ERCC6L2: variants seen among roughly 807,000 people sequenced by gnomAD.
ERCC6L2 encodes the protein DNA excision repair protein ERCC-6-like 2.
Under a neutral mutation model 132.0 loss-of-function variants are expected in ERCC6L2, and 77 were observed. The ratio of observed to expected loss-of-function variants is 0.58; its 90% CI spans 0.49 to 0.71. The LOEUF (loss-of-function observed/expected upper bound fraction) is 0.71, where lower values mean the gene tolerates loss of function less well. ERCC6L2 is among the 30% of genes least tolerant of loss of function. The probability of loss-of-function intolerance (pLI) is 0.00; values close to 1 mark genes in which losing one functional copy is unlikely to be tolerated. For synonymous variants in ERCC6L2, 583 were observed against 632.4 expected (o/e 0.92, Z 1.17); for missense variants, 1,542 against 1,837.6 (o/e 0.84, Z 2.94).
chr9:95,890,115 T>C (rs943943174), intron 2 of ERCC6L2, among the ~76,000 whole-genome samples: 2 of 152,200 alleles, frequency 1.3e-5, no homozygotes, highest in Admixed American at 6.5e-5. Flanking sequence ...CTTGATTTCA[T>C]ACTACTGAAT....
In ERCC6L2 at chr9:95,941,539, G is replaced by A; in HGVS notation, c.1837G>A (p.Ala613Thr). The A allele has an allele frequency of 6.2e-7, 1 of 1,610,294 alleles. No individual in the cohort carries two copies. Among genetic ancestry groups the A allele is most frequent in the Non-Finnish European group, 8.5e-7 (1 of 1,176,966 alleles). ...PTWNPANDLQAIDRAYRIGQC... is the reference protein window; with the variant it reads ...PTWNPANDLQTIDRAYRIGQC... Reference sequence around the variant, plus strand: ...TTGGAATCCAGCCAATGATCTTCAAGCCATTGACAGGTATAATACTGACAA... The same window carrying A: ...TTGGAATCCAGCCAATGATCTTCAAACCATTGACAGGTATAATACTGACAA... Residue 613 changes from alanine to threonine, a missense_variant, in exon 12 of 19, where the codon GCC (alanine) becomes ACC (threonine). By Grantham distance (58) the Ala-to-Thr change is moderately conservative. Transcript: ENST00000653738.
intron 1 of ERCC6L2, among the ~76,000 whole-genome samples, chr9:95,878,817 C>T (rs1827435233): frequency 6.6e-6 from 1 of 151,594 alleles, no homozygotes; most frequent in African/African-American, 2.4e-5. Context: ...TCATCCATGT[C>T]CCTACAAAGG....
intron 17 of ERCC6L2, among the ~76,000 whole-genome samples, chr9:95,991,721 A>G (rs1013151142): frequency 6.6e-6 from 1 of 152,212 alleles, no homozygotes; most frequent in Non-Finnish European, 1.5e-5. Flanking sequence ...GACAAAAGTG[A>G]TATTTGTAAC....
intron 18 of ERCC6L2, among the ~76,000 whole-genome samples, chr9:96,010,249 T>G (rs998245299): frequency 6.6e-6 from 1 of 152,148 alleles, no homozygotes; most frequent in Non-Finnish European, 1.5e-5. Context: ...TTTCGGGAAG[T>G]TAACAAGACA....
intron 1 of ERCC6L2, among the ~76,000 whole-genome samples, chr9:95,879,507 T>G (rs933559756): frequency 6.6e-6 from 1 of 152,222 alleles, no homozygotes; most frequent in African/African-American, 2.4e-5. Context: ...AGTACTGTTA[T>G]GAAAATTGGG....
chr9:95,998,333 A>G (rs1833541282), intron 17 of ERCC6L2, among the ~76,000 whole-genome samples: 1 of 152,184 alleles, frequency 6.6e-6, no homozygotes, highest in Non-Finnish European at 1.5e-5. Flanking sequence ...ATGTCTGTTA[A>G]CTCATTTCTG....
intron 17 of ERCC6L2, among the ~76,000 whole-genome samples, chr9:96,003,347 T>C (rs1367836069): frequency 6.6e-6 from 1 of 152,232 alleles, no homozygotes; most frequent in African/African-American, 2.4e-5. Flanking sequence ...TCACTAGTTC[T>C]GGACAAATTA....
At chr9:95,899,569 CCTTT>C (rs890230599) in intron 3 of ERCC6L2, among the ~76,000 whole-genome samples, 17 of 149,210 alleles carry the variant, frequency 1.1e-4, no homozygotes, top group South Asian at 2.1e-4. Context: ...TTCCTTCTTT[CCTTT>C]CTTTCTTTTT....
chr9:95,925,328 G>GA (rs1298258035), intron 9 of ERCC6L2, among the ~76,000 whole-genome samples: 3 of 152,004 alleles, frequency 2.0e-5, no homozygotes, highest in Admixed American at 2.0e-4. Context: ...GTGGAGGGTG[G>GA]AAAAAAAGAC....
chr9:95,973,938 T>C (rs1407468119), intron 16 of ERCC6L2, among the ~76,000 whole-genome samples: 2 of 152,138 alleles, frequency 1.3e-5, no homozygotes, highest in Non-Finnish European at 2.9e-5. Context: ...AATTGTACCC[T>C]CTCCATGCAG....
intron 17 of ERCC6L2, among the ~76,000 whole-genome samples, chr9:95,982,484 AG>A (rs1832931799): frequency 6.6e-6 from 1 of 152,122 alleles, no homozygotes; most frequent in Non-Finnish European, 1.5e-5. Flanking sequence ...CCTGTTTTTC[AG>A]GATAATGAAT....
chr9:95,886,024 T>G (rs112925610), intron 2 of ERCC6L2, among the ~76,000 whole-genome samples: 2 of 152,280 alleles, frequency 1.3e-5, no homozygotes, highest in African/African-American at 4.8e-5. Flanking sequence ...GTTCTCTTTT[T>G]GTTTTTTTGA....
chr9:96,010,250 TAAC>T (rs1412414645), intron 18 of ERCC6L2, among the ~76,000 whole-genome samples: 1 of 152,088 alleles, frequency 6.6e-6, no homozygotes, highest in Non-Finnish European at 1.5e-5. Flanking sequence ...TTCGGGAAGT[TAAC>T]AAGACAGTGT....
chr9:96,013,204 G>A lies in ERCC6L2; in HGVS notation c.*1G>A, dbSNP rs1182006519. 7.4e-7 allele frequency: 1 copy of A among 1,346,366 alleles called. No homozygotes were observed. Among genetic ancestry groups the A allele is most frequent in the Non-Finnish European group, 9.9e-7 (1 of 1,013,782 alleles). The allele number at this position is 1,346,366 out of a possible 1,614,324, so 83.4% of individuals were successfully genotyped here. On this transcript the variant is annotated 3_prime_UTR_variant, in exon 19 of 19. Coordinates refer to ENST00000653738, the MANE Select transcript of ERCC6L2 (RefSeq NM_020207.7). ...AACCAATACACAGAGTACCACATAAGCATATAAATGAATTACTGCACCAGT... is the reference window on the plus strand; with the variant it reads ...AACCAATACACAGAGTACCACATAAACATATAAATGAATTACTGCACCAGT...
At chr9:95,924,358 A>G (rs963571953) in intron 9 of ERCC6L2, among the ~76,000 whole-genome samples, 1 of 152,160 alleles carries the variant, frequency 6.6e-6, no homozygotes, top group Non-Finnish European at 1.5e-5. Context: ...TTAAAAAATA[A>G]ATGTTTATAT....
At chr9:95,923,804 A>G (rs1481685803) in intron 9 of ERCC6L2, among the ~76,000 whole-genome samples, 1 of 152,198 alleles carries the variant, frequency 6.6e-6, no homozygotes, top group Non-Finnish European at 1.5e-5. Flanking sequence ...TAAGATGGGC[A>G]AGGTCTGTAT....
chr9:95,906,854 A>G, intron 3 of ERCC6L2: 1 of 563,494 alleles, frequency 1.8e-6, no homozygotes, highest in East Asian at 3.2e-5. Context: ...TCTTTGAGCA[A>G]GGTTAGGTGT....
At chr9:96,032,684 C>A (rs141528551) in intron 19 of ERCC6L2, among the ~76,000 whole-genome samples, 363 of 152,316 alleles carry the variant, frequency 2.4e-3, no homozygotes, top group Non-Finnish European at 4.1e-3. Flanking sequence ...GCTGCCTCAC[C>A]AGGAGCCCGG....
chr9:96,033,535 C>T (rs1834487292), intron 19 of ERCC6L2, among the ~76,000 whole-genome samples: 1 of 152,208 alleles, frequency 6.6e-6, no homozygotes, highest in Admixed American at 6.5e-5. Flanking sequence ...GTGTGAACCA[C>T]CACGTCTGGC....
Sources: gnomAD v4.1 joint callset for allele counts (sites outside exome capture counted in the v4.1 genomes callset) on GRCh38, gnomAD v4.1.1 for gene constraint, MANE v1.5 for transcripts, NCBI Gene and HGNC (gene_info 2026-07-23, HGNC 2026-07-21) for gene names.